Variants in LRRTM4 observed in about 807,000 individuals in gnomAD.
LRRTM4 encodes leucine rich repeat transmembrane neuronal 4.
A neutral mutation model predicts 47.6 loss-of-function variants in LRRTM4; 25 were observed. The observed-to-expected ratio is 0.53, with a 90% CI of 0.38 to 0.73. LRRTM4 has a LOEUF of 0.73. Ranked by LOEUF, LRRTM4 falls within the 30% of genes least tolerant of loss-of-function variation. The probability of loss-of-function intolerance (pLI) is 0.00; values close to 1 mark genes in which losing one functional copy is unlikely to be tolerated. For synonymous variants in LRRTM4, 311 were observed against 269.5 expected (o/e 1.15, Z -1.51); for missense variants, 638 against 713.4 (o/e 0.89, Z 1.20).
chr2:77,344,923 T>C (rs1671507221), intron 3 of LRRTM4, among the ~76,000 whole-genome samples: 1 of 151,644 alleles, frequency 6.6e-6, no homozygotes, highest in Non-Finnish European at 1.5e-5. Flanking sequence ...ATTTCTTTTC[T>C]CATGCCCCAA....
intron 3 of LRRTM4, among the ~76,000 whole-genome samples, chr2:77,362,591 G>A (rs769712750): frequency 6.6e-6 from 1 of 152,148 alleles, no homozygotes; most frequent in African/African-American, 2.4e-5. Flanking sequence ...GCCTCCTTCC[G>A]CCCCATGAAC....
intron 3 of LRRTM4, among the ~76,000 whole-genome samples, chr2:76,994,956 C>T (rs2104003441): frequency 6.6e-6 from 1 of 152,020 alleles, no homozygotes; most frequent in East Asian, 1.9e-4. Context: ...TTTGCTCAAA[C>T]CCCTTCCTGA....
At chr2:77,412,385 A>G (rs1181800017) in intron 3 of LRRTM4, among the ~76,000 whole-genome samples, 1 of 152,224 alleles carries the variant, frequency 6.6e-6, no homozygotes, top group East Asian at 1.9e-4. Context: ...TCTCTAGCAT[A>G]CCACAATTGC....
intron 3 of LRRTM4, among the ~76,000 whole-genome samples, chr2:77,375,052 A>G (rs905157988): frequency 1.3e-5 from 2 of 151,632 alleles, no homozygotes; most frequent in African/African-American, 4.8e-5. Context: ...TTTGTAATAC[A>G]TTTTAAAAGT....
At chr2:77,096,731 A>G (rs775039320) in intron 3 of LRRTM4, among the ~76,000 whole-genome samples, 154 of 151,682 alleles carry the variant, frequency 1.0e-3, no homozygotes, top group Non-Finnish European at 1.9e-3. Context: ...CACATTGACA[A>G]CATAGCTTCT....
intron 3 of LRRTM4, among the ~76,000 whole-genome samples, chr2:76,795,556 C>G (rs963096161): frequency 1.5e-4 from 22 of 150,546 alleles, no homozygotes; most frequent in African/African-American, 5.4e-4. Context: ...CATGTATATG[C>G]ATATATACAT....
chr2:77,130,875 C>T (rs1376265911), intron 3 of LRRTM4, among the ~76,000 whole-genome samples: 1 of 105,524 alleles, frequency 9.5e-6, no homozygotes, highest in Non-Finnish European at 1.7e-5. Flanking sequence ...CGCTCTGTCG[C>T]CCAGGCTGGA....
chr2:77,205,184 T>C (rs555164201), intron 3 of LRRTM4, among the ~76,000 whole-genome samples: 1 of 152,374 alleles, frequency 6.6e-6, no homozygotes, highest in African/African-American at 2.4e-5. Context: ...ATCTTAGATT[T>C]GGGGGATGCC....
intron 3 of LRRTM4, among the ~76,000 whole-genome samples, chr2:77,143,654 G>A (rs889008082): frequency 6.6e-6 from 1 of 152,138 alleles, no homozygotes; most frequent in Non-Finnish European, 1.5e-5. Flanking sequence ...CAAGCCAAAA[G>A]CATTTCAGAA....
intron 3 of LRRTM4, among the ~76,000 whole-genome samples, chr2:76,896,886 C>T (rs1423784501): frequency 6.7e-6 from 1 of 149,350 alleles, no homozygotes; most frequent in Non-Finnish European, 1.5e-5. Context: ...TCATGTAACA[C>T]AACTTCTATC....
intron 3 of LRRTM4, among the ~76,000 whole-genome samples, chr2:76,801,029 A>T (rs1312354729): frequency 6.8e-6 from 1 of 147,376 alleles, no homozygotes; most frequent in African/African-American, 2.5e-5. Context: ...GCTGGAGCGG[A>T]TGTGGAGAAA....
chr2:77,271,877 T>C (rs1415338634), intron 3 of LRRTM4, among the ~76,000 whole-genome samples: 1 of 152,186 alleles, frequency 6.6e-6, no homozygotes, highest in South Asian at 2.1e-4. Context: ...CCATGTGTCA[T>C]GCGTACTCAC....
intron 3 of LRRTM4, among the ~76,000 whole-genome samples, chr2:76,776,641 G>C (rs1167481372): frequency 6.6e-6 from 1 of 151,010 alleles, no homozygotes; most frequent in Non-Finnish European, 1.5e-5. Flanking sequence ...TGAGTTCATT[G>C]TAGATTCTGG....
intron 3 of LRRTM4, among the ~76,000 whole-genome samples, chr2:77,253,937 G>C (rs1210764419): frequency 6.6e-6 from 1 of 151,932 alleles, no homozygotes; most frequent in Non-Finnish European, 1.5e-5. Context: ...GAGTTGAAAA[G>C]ATAGTTAAAG....
intron 3 of LRRTM4, among the ~76,000 whole-genome samples, chr2:77,074,021 T>C (rs1680251663): frequency 1.3e-5 from 2 of 152,154 alleles, no homozygotes; most frequent in African/African-American, 2.4e-5. Flanking sequence ...TGTACATTTA[T>C]ATTTTTCCCC....
intron 3 of LRRTM4, among the ~76,000 whole-genome samples, chr2:76,793,337 T>A (rs1558656543): frequency 6.6e-6 from 1 of 152,094 alleles, no homozygotes; most frequent in Non-Finnish European, 1.5e-5. Flanking sequence ...AATGACAGAG[T>A]TGAGTAGATG....
rs111687471 is a variant in LRRTM4 at position 77,338,268 on chromosome 2, G to T, written c.1551+180050C>A. Among the ~76,000 whole-genome samples, 724 of 152,096 alleles carry T rather than the reference G, an allele frequency of 4.8e-3. 6 individuals are homozygous for T. Among genetic ancestry groups the T allele is most frequent in the African/African-American group, 0.016 (672 of 41,502 alleles). On this transcript the variant is annotated intron_variant, in intron 3 of 3. Transcript: ENST00000409884. ...CACCGTATTCAACTAAACAGCTTCT[G>T]CACAGCAAACAAAACTGTCAACAGA...
intron 3 of LRRTM4, among the ~76,000 whole-genome samples, chr2:77,304,947 T>C (rs1463813931): frequency 1.3e-5 from 2 of 152,084 alleles, no homozygotes; most frequent in Non-Finnish European, 2.9e-5. Flanking sequence ...TTAAGGTCCC[T>C]TTATAATATA....
At chr2:77,318,000 C>CTTTT (rs61212194) in intron 3 of LRRTM4, among the ~76,000 whole-genome samples, 19 of 99,790 alleles carry the variant, frequency 1.9e-4, no homozygotes, top group East Asian at 3.0e-4. Context: ...ATTCCTAACA[C>CTTTT]TTTTTTTTTT....
Sources: gnomAD v4.1 joint callset for allele counts (sites outside exome capture counted in the v4.1 genomes callset) on GRCh38, gnomAD v4.1.1 for gene constraint, MANE v1.5 for transcripts, NCBI Gene and HGNC (gene_info 2026-07-23, HGNC 2026-07-21) for gene names.